Variants in L3MBTL4 observed in about 807,000 individuals in gnomAD.
L3MBTL4 encodes the protein L3MBTL histone methyl-lysine binding protein 4.
L3MBTL4 carries 70 observed loss-of-function variants against 84.5 expected under a neutral mutation model. That is an observed-to-expected ratio of 0.83 (90% CI 0.68 to 1.01). The LOEUF is 1.01. Ranked by LOEUF, L3MBTL4 falls within the 50% of genes least tolerant of loss-of-function variation. L3MBTL4 has a pLI of 0.00. For missense variants in L3MBTL4, 715 were observed against 754.8 expected (o/e 0.95, Z 0.62); for synonymous variants, 274 against 259.8 (o/e 1.05, Z -0.52).
chr18:6,152,946 G>T (rs2042957327), intron 13 of L3MBTL4, among the ~76,000 whole-genome samples: 1 of 152,030 alleles, frequency 6.6e-6, no homozygotes, highest in African/African-American at 2.4e-5. Context: ...TCATTCTTCT[G>T]CATGTGGATA....
chr18:6,380,251 T>C (rs1025680433), intron 1 of L3MBTL4, among the ~76,000 whole-genome samples: 2 of 152,178 alleles, frequency 1.3e-5, no homozygotes, highest in Non-Finnish European at 2.9e-5. Context: ...ATTTTGTTGA[T>C]CTTTTCAAAA....
At chr18:6,291,114 G>A (rs78540409) in intron 4 of L3MBTL4, among the ~76,000 whole-genome samples, 4,190 of 152,140 alleles carry the variant, frequency 0.028, 141 homozygotes, top group African/African-American at 0.083. Flanking sequence ...CTCAAGATAC[G>A]GGAACAAGGC....
intron 16 of L3MBTL4, among the ~76,000 whole-genome samples, chr18:6,016,965 C>T (rs1372996303): frequency 9.2e-5 from 14 of 151,902 alleles, no homozygotes; most frequent in Non-Finnish European, 1.5e-5. Flanking sequence ...CCATCCGCCT[C>T]TCAGGGCAGA....
At chr18:5,990,828 T>A (rs964614382) in intron 16 of L3MBTL4, among the ~76,000 whole-genome samples, 10 of 150,876 alleles carry the variant, frequency 6.6e-5, no homozygotes, top group African/African-American at 2.4e-4. Flanking sequence ...TCAGTCCCAG[T>A]ACTCACCAAT....
intron 16 of L3MBTL4, among the ~76,000 whole-genome samples, chr18:6,025,524 T>A (rs1046937094): frequency 1.2e-4 from 19 of 152,378 alleles, no homozygotes; most frequent in East Asian, 3.9e-4. Flanking sequence ...ACATTCACTC[T>A]GTTTAACTCT....
chr18:6,311,400 T>C (rs149587484), intron 3 of L3MBTL4, among the ~76,000 whole-genome samples, 154 bp downstream of exon 3: 12 of 151,830 alleles, frequency 7.9e-5, no homozygotes, highest in African/African-American at 2.9e-4. Context: ...AACACTTATA[T>C]TCTATACCCC....
intron 10 of L3MBTL4, among the ~76,000 whole-genome samples, chr18:6,218,194 G>A (rs1435855211): frequency 6.6e-6 from 1 of 152,204 alleles, no homozygotes; most frequent in African/African-American, 2.4e-5. Context: ...ATAGAGGACT[G>A]CAGCCTCAAA....
At chr18:6,013,724 G>A (rs1179568559) in intron 16 of L3MBTL4, among the ~76,000 whole-genome samples, 1 of 152,162 alleles carries the variant, frequency 6.6e-6, no homozygotes, top group Non-Finnish European at 1.5e-5. Flanking sequence ...GATTAGTCTG[G>A]CTTTCCTACT....
At chr18:6,001,409 T>C (rs978078693) in intron 16 of L3MBTL4, among the ~76,000 whole-genome samples, 9 of 152,178 alleles carry the variant, frequency 5.9e-5, no homozygotes, top group Admixed American at 1.3e-4. Context: ...GAGAAGACCT[T>C]AAGTTTACAC....
chr18:6,211,187 T>A (rs1170729168), intron 12 of L3MBTL4, among the ~76,000 whole-genome samples: 1 of 152,182 alleles, frequency 6.6e-6, no homozygotes, highest in Non-Finnish European at 1.5e-5. Context: ...TTACTCCAGA[T>A]GTCCAAGAGA....
chr18:6,414,509 C>G lies in L3MBTL4; in HGVS notation c.-91+292G>C, dbSNP rs2056110970. On this transcript the variant is annotated intron_variant, in intron 1 of 18. Coordinates refer to ENST00000317931, the MANE Select transcript of L3MBTL4 (RefSeq NM_001330559.2). This position sits in a 1 kb window ranked among gnomAD's most constrained non-coding sequence, Gnocchi z 5.4. Reference sequence around the variant, plus strand: ...CCCCGACCCTGCCCTCGCGGCTGACCGAGGCGCCGGGCTCTGCGGCGGCCG... The same window carrying G: ...CCCCGACCCTGCCCTCGCGGCTGACGGAGGCGCCGGGCTCTGCGGCGGCCG... Among the ~76,000 whole-genome samples the G allele has an allele frequency of 6.6e-6, 1 of 152,020 alleles. No individual in the cohort carries two copies. Among genetic ancestry groups the G allele is most frequent in the South Asian group, 2.1e-4 (1 of 4,832 alleles).
At chr18:6,122,707 C>T (rs2059570215) in intron 14 of L3MBTL4, among the ~76,000 whole-genome samples, 1 of 152,168 alleles carries the variant, frequency 6.6e-6, no homozygotes, top group African/African-American at 2.4e-5. Flanking sequence ...ACAACCTTAC[C>T]CTCATTCATA....
At chr18:6,201,038 A>C (rs1360286486) in intron 12 of L3MBTL4, among the ~76,000 whole-genome samples, 1 of 152,226 alleles carries the variant, frequency 6.6e-6, no homozygotes, top group African/African-American at 2.4e-5. Flanking sequence ...ATGAAATGCC[A>C]GGTGCTATTC....
intron 16 of L3MBTL4, among the ~76,000 whole-genome samples, chr18:6,057,344 T>C (rs1490926075): frequency 6.6e-6 from 1 of 152,202 alleles, no homozygotes; most frequent in African/African-American, 2.4e-5. Flanking sequence ...CAAAAGTATG[T>C]TTTTCATAAT....
intron 16 of L3MBTL4, among the ~76,000 whole-genome samples, chr18:6,076,914 C>T (rs1375944392): frequency 6.6e-6 from 1 of 152,168 alleles, no homozygotes; most frequent in East Asian, 1.9e-4. Flanking sequence ...GTGAGAGTGA[C>T]ATCTCTTTGA....
intron 12 of L3MBTL4, among the ~76,000 whole-genome samples, chr18:6,196,645 A>G (rs1306244957): frequency 2.0e-5 from 3 of 152,216 alleles, no homozygotes; most frequent in Non-Finnish European, 4.4e-5. Flanking sequence ...AAGCCTTTTA[A>G]CTATAAAACT....
chr18:6,408,918 C>A (rs932724244), intron 1 of L3MBTL4, among the ~76,000 whole-genome samples: 3 of 152,128 alleles, frequency 2.0e-5, no homozygotes, highest in Admixed American at 2.0e-4. Flanking sequence ...CTCAGGCAAT[C>A]CACCCTCCTC....
At chr18:6,224,676 A>G (rs1262720525) in intron 10 of L3MBTL4, among the ~76,000 whole-genome samples, 1 of 152,156 alleles carries the variant, frequency 6.6e-6, no homozygotes, top group Non-Finnish European at 1.5e-5. Flanking sequence ...AGTCAGAGGA[A>G]TGGAGGAACC....
intron 16 of L3MBTL4, among the ~76,000 whole-genome samples, chr18:6,019,296 A>T (rs2055141240): frequency 6.6e-6 from 1 of 152,216 alleles, no homozygotes; most frequent in Non-Finnish European, 1.5e-5. Flanking sequence ...AATAGTGCAA[A>T]TAATTCCCTA....
Sources: allele counts gnomAD v4.1 joint callset (sites outside exome capture counted in the v4.1 genomes callset), GRCh38; gene constraint gnomAD v4.1.1; non-coding constraint Gnocchi (gnomAD v3.1); transcripts MANE v1.5; gene names NCBI Gene and HGNC (gene_info 2026-07-23, HGNC 2026-07-21).